SYNPR: variants seen among roughly 807,000 people sequenced by gnomAD.
SYNPR encodes the protein synaptoporin.
In SYNPR, 23 loss-of-function variants were observed where a neutral mutation model predicts 32.9. The ratio of observed to expected loss-of-function variants is 0.70; its 90% confidence interval spans 0.50 to 0.99. The LOEUF is 0.99. Among genes scored for constraint, SYNPR ranks in the 50% least tolerant of loss-of-function variants. SYNPR has a pLI of 0.00. For missense variants in SYNPR, 318 were observed against 349.3 expected (o/e 0.91, Z 0.71); for synonymous variants, 146 against 135.9 (o/e 1.07, Z -0.52).
chr3:63,365,474 G>A (rs950723310), intron 2 of SYNPR, among the ~76,000 whole-genome samples: 1 of 152,118 alleles, frequency 6.6e-6, no homozygotes, highest in African/African-American at 2.4e-5. Flanking sequence ...TCTACATAGA[G>A]GTTCGCATAA....
intron 3 of SYNPR, among the ~76,000 whole-genome samples, chr3:63,492,460 A>T (rs1268147183): frequency 1.3e-5 from 2 of 152,230 alleles, no homozygotes; most frequent in Non-Finnish European, 2.9e-5. Context: ...ACAGAGGGAA[A>T]TGTAAAGACT....
At chr3:63,513,596 T>G (rs1036084857) in intron 3 of SYNPR, among the ~76,000 whole-genome samples, 51 of 152,102 alleles carry the variant, frequency 3.4e-4, no homozygotes, top group African/African-American at 1.2e-3. Flanking sequence ...TCACTTCACA[T>G]GCTGTAACCT....
intron 2 of SYNPR, among the ~76,000 whole-genome samples, chr3:63,310,963 C>A (rs998805150): frequency 6.6e-6 from 1 of 151,488 alleles, no homozygotes; most frequent in Non-Finnish European, 1.5e-5. Flanking sequence ...CTCAGTGTGT[C>A]CTGTTAACTT....
chr3:63,442,933 A>AT (rs1280698390), intron 2 of SYNPR: 1 of 619,698 alleles, frequency 1.6e-6, no homozygotes, highest in Non-Finnish European at 2.0e-6. Context: ...TAAAACCACC[A>AT]TTTTTCCCCA....
chr3:63,469,914 T>G (rs1700764253), intron 2 of SYNPR, among the ~76,000 whole-genome samples: 1 of 142,498 alleles, frequency 7.0e-6, no homozygotes, highest in African/African-American at 2.9e-5. Context: ...TTTACATTTT[T>G]CATCCAAACG....
intron 1 of SYNPR, among the ~76,000 whole-genome samples, chr3:63,246,111 G>A (rs2086287192): frequency 2.0e-5 from 3 of 151,966 alleles, no homozygotes; most frequent in Admixed American, 2.0e-4. Context: ...GGAACACAAG[G>A]GCAGACAAGG....
chr3:63,547,316 G>T (rs2106815023), intron 3 of SYNPR, among the ~76,000 whole-genome samples: 1 of 152,160 alleles, frequency 6.6e-6, no homozygotes, highest in South Asian at 2.1e-4. Flanking sequence ...GAGTCCAATT[G>T]CTGGAGTCTT....
intron 1 of SYNPR, among the ~76,000 whole-genome samples, chr3:63,249,768 C>G (rs946935047): frequency 3.9e-5 from 6 of 152,052 alleles, no homozygotes; most frequent in African/African-American, 1.4e-4. Context: ...GACATATATA[C>G]GTGTAATAAG....
At chr3:63,353,902 TTTGGATCA>T (rs2087541963) in intron 2 of SYNPR, among the ~76,000 whole-genome samples, 1 of 152,218 alleles carries the variant, frequency 6.6e-6, no homozygotes, top group South Asian at 2.1e-4. Context: ...TTGTGTTGCT[TTTGGATCA>T]ACTAATGCTT....
At chr3:63,492,684 C>T (rs1701278302) in intron 3 of SYNPR, among the ~76,000 whole-genome samples, 1 of 152,028 alleles carries the variant, frequency 6.6e-6, no homozygotes, top group African/African-American at 2.4e-5. Context: ...GCTGAGTGGG[C>T]CTTTTATGTA....
chr3:63,343,119 G>A (rs929639994), intron 2 of SYNPR, among the ~76,000 whole-genome samples: 1 of 152,098 alleles, frequency 6.6e-6, no homozygotes, highest in African/African-American at 2.4e-5. Context: ...GACAAGTTTG[G>A]CATATTTGAG....
At chr3:63,474,999 G>A (rs142724433) in intron 2 of SYNPR, among the ~76,000 whole-genome samples, 9 of 152,220 alleles carry the variant, frequency 5.9e-5, no homozygotes, top group Admixed American at 1.3e-4. Flanking sequence ...TTGATATTCC[G>A]TGTGTGGTTC....
At chr3:63,319,806 T>C (rs990381713) in intron 2 of SYNPR, among the ~76,000 whole-genome samples, 1 of 152,042 alleles carries the variant, frequency 6.6e-6, no homozygotes, top group Non-Finnish European at 1.5e-5. Flanking sequence ...TCTAAAAGAT[T>C]ATTTTTACCA....
chr3:63,353,758 G>A (rs1009598357), intron 2 of SYNPR, among the ~76,000 whole-genome samples: 1 of 152,182 alleles, frequency 6.6e-6, no homozygotes, highest in Non-Finnish European at 1.5e-5. Flanking sequence ...CTTAATGTTA[G>A]GAGTGATGAT....
At position 63,253,995 on chromosome 3, in the gene SYNPR, T is replaced by G. The variant is rs1311083649; in HGVS notation, n.154+1409T>G. ...TGGAATACTATGAAGCCATAAAAAATGATGAGTTCCTGTCCTTTGTAGGGA... is the reference window on the plus strand; with the variant it reads ...TGGAATACTATGAAGCCATAAAAAAGGATGAGTTCCTGTCCTTTGTAGGGA... On this transcript the variant is annotated intron_variant and non_coding_transcript_variant, in intron 2 of 4. Coordinates refer to the SYNPR transcript ENST00000478456. Among the ~76,000 whole-genome samples, 2 of 152,112 alleles carry G rather than the reference T, an allele frequency of 1.3e-5. 1 individual carries two copies. Among genetic ancestry groups the G allele is most frequent in the South Asian group, 4.2e-4 (2 of 4,814 alleles).
chr3:63,252,471 G>T (rs939757476), intron 1 of SYNPR: 3 of 152,264 alleles, frequency 2.0e-5, no homozygotes, highest in Non-Finnish European at 2.9e-5. Context: ...ATCTGCCAGA[G>T]AGAATTAATT....
At chr3:63,208,028 C>T in the SYNPR span, among the ~76,000 whole-genome samples, 5 of 146,676 alleles carry the variant, frequency 3.4e-5, no homozygotes, top group Admixed American at 7.2e-5. Context: ...ATTAATTCTA[C>T]GTGCAAACAC....
chr3:63,465,625 C>G (rs919506361), intron 2 of SYNPR, among the ~76,000 whole-genome samples: 24 of 152,120 alleles, frequency 1.6e-4, no homozygotes, highest in African/African-American at 5.8e-4. Flanking sequence ...AAATAATTAC[C>G]TCACAGGCAA....
At chr3:63,358,576 A>C (rs1342589990) in intron 2 of SYNPR, among the ~76,000 whole-genome samples, 1 of 152,238 alleles carries the variant, frequency 6.6e-6, no homozygotes, top group Non-Finnish European at 1.5e-5. Flanking sequence ...AGGGATTAGA[A>C]CATGAACATC....
Sources: allele counts gnomAD v4.1 joint callset (sites outside exome capture counted in the v4.1 genomes callset), GRCh38; gene constraint gnomAD v4.1.1; transcripts MANE v1.5; gene names NCBI Gene and HGNC (gene_info 2026-07-23, HGNC 2026-07-21).